The following PON2 variants were observed in gnomAD, a reference collection of about 807,000 sequenced individuals.
The protein encoded by PON2 is paraoxonase 2.
Under a neutral mutation model 36.6 loss-of-function variants are expected in PON2, and 27 were observed. That is an observed-to-expected ratio of 0.74 (90% CI 0.54 to 1.02). The LOEUF is 1.02. Among genes scored for constraint, PON2 ranks in the 50% least tolerant of loss-of-function variants. The pLI, the probability that PON2 is intolerant of heterozygous loss-of-function variation, is 0.00. For missense variants in PON2, 363 were observed against 421.1 expected (o/e 0.86, Z 1.21); for synonymous variants, 149 against 156.3 (o/e 0.95, Z 0.35).
At chr7:95,422,304 C>A (rs1034264676) in intron 2 of PON2, among the ~76,000 whole-genome samples, 1 of 152,094 alleles carries the variant, frequency 6.6e-6, no homozygotes, top group Non-Finnish European at 1.5e-5. Context: ...TATTTGTTTG[C>A]AAATGCACTG....
intron 2 of PON2, chr7:95,418,151 G>A (rs144106286): frequency 2.0e-5 from 3 of 152,180 alleles, no homozygotes; most frequent in East Asian, 1.9e-4. Flanking sequence ...TTTTATCATC[G>A]TGTATCCCCT....
At position 95,415,507 on chromosome 7, in the gene PON2, A is replaced by T. The variant is rs940382137; in HGVS notation, c.201+735T>A. ...GAAAGCAAAAGGGCAAGGTTGGTAT[A>T]ATATTTGAAAATAAATAATAATGGC... On this transcript the variant is annotated intron_variant, in intron 3 of 8. Coordinates refer to ENST00000222572, the MANE Select transcript of PON2 (RefSeq NM_000305.3). Among the ~76,000 whole-genome samples the T allele has an allele frequency of 2.1e-4, 32 of 152,338 alleles. 1 individual carries two copies. The highest frequency in any genetic ancestry group is 1.8e-3 in the Admixed American group (27 of 15,304).
At chr7:95,408,133 G>A (rs1362829235) in intron 6 of PON2, among the ~76,000 whole-genome samples, 1 of 152,218 alleles carries the variant, frequency 6.6e-6, no homozygotes, top group Non-Finnish European at 1.5e-5. Flanking sequence ...CAAATGGTCA[G>A]TTCTGTTCCA....
chr7:95,431,727 C>T (rs1789446429), intron 1 of PON2, among the ~76,000 whole-genome samples: 1 of 152,136 alleles, frequency 6.6e-6, no homozygotes. Context: ...GCCAAACATG[C>T]TCCTTTTTAA....
chr7:95,408,573 G>A (rs1003809853), intron 6 of PON2, among the ~76,000 whole-genome samples: 4 of 152,152 alleles, frequency 2.6e-5, no homozygotes, highest in African/African-American at 7.2e-5. Context: ...TGCAGAGGTT[G>A]GATCAGGTCA....
chr7:95,405,151 C>G lies in PON2; in HGVS notation c.*179G>C. On this transcript the variant is annotated 3_prime_UTR_variant, in exon 9 of 9. Transcript: ENST00000222572. The stretch of plus-strand genomic sequence containing the variant: ...TGCTTGGCATTTTAAAGAACCTGTT[C>G]ATTTTCCTTTTTTGTTAAAAGTGCT... 1.6e-6 allele frequency: 1 copy of G among 620,182 alleles called. No homozygotes were observed. Among genetic ancestry groups the G allele is most frequent in the Non-Finnish European group, 2.8e-6 (1 of 363,618 alleles). 38.4% of individuals were successfully genotyped at this position (620,182 alleles called of 1,614,324 possible).
At chr7:95,413,583 T>C (rs1459642802) in intron 3 of PON2, among the ~76,000 whole-genome samples, 1 of 152,236 alleles carries the variant, frequency 6.6e-6, no homozygotes, top group African/African-American at 2.4e-5. Context: ...TATAGGTCTT[T>C]TCTCTTTTAA....
At chr7:95,434,789 T>TCCCTCCCCCAGCCTGCG (rs1405402618) in intron 1 of PON2, 89 bp downstream of exon 1, 3 of 1,417,818 alleles carry the variant, frequency 2.1e-6, no homozygotes, top group Admixed American at 2.2e-5. Context: ...CCCGCAGGAA[T>TCCCTCCCCCAGCCTGCG]CCCTCCCCCA....
intron 2 of PON2, among the ~76,000 whole-genome samples, chr7:95,420,556 T>C (rs1434308517): frequency 1.3e-5 from 2 of 152,202 alleles, no homozygotes; most frequent in Admixed American, 6.5e-5. Context: ...AGTCAATAAC[T>C]ATGATTTATT....
At chr7:95,429,358 T>G (rs913249312) in intron 1 of PON2, among the ~76,000 whole-genome samples, 1 of 152,216 alleles carries the variant, frequency 6.6e-6, no homozygotes, top group African/African-American at 2.4e-5. Context: ...ACAAAGGACA[T>G]GAACTCATCC....
At position 95,412,968 on chromosome 7, in the gene PON2, A is replaced by G. The variant is rs17876137; in HGVS notation, c.202-491T>C. 1,621 of 177,966 alleles carry G rather than the reference A, an allele frequency of 9.1e-3. 28 individuals carry two copies. Among genetic ancestry groups the G allele is most frequent in the African/African-American group, 0.036 (1,484 of 41,738 alleles). 11.0% of individuals were successfully genotyped at this position (177,966 alleles called of 1,614,324 possible). ...GTCTCATGTCTATTCCTGTGCCAATATAACACTTTTTAAATTACTACAGCT... is the reference window on the plus strand; with the variant it reads ...GTCTCATGTCTATTCCTGTGCCAATGTAACACTTTTTAAATTACTACAGCT... On this transcript the variant is annotated intron_variant, in intron 3 of 8. Coordinates refer to ENST00000222572, the MANE Select transcript of PON2 (RefSeq NM_000305.3).
chr7:95,409,499 G>A (rs2057965), intron 6 of PON2: 47,133 of 152,928 alleles, frequency 0.31, 8,649 homozygotes, highest in Middle Eastern at 0.44. Flanking sequence ...ATGGAATAAT[G>A]TATAGCCAAT....
At chr7:95,420,888 G>T (rs983480351) in intron 2 of PON2, among the ~76,000 whole-genome samples, 7 of 151,852 alleles carry the variant, frequency 4.6e-5, no homozygotes, top group African/African-American at 1.7e-4. Context: ...TGTTGTTAAA[G>T]ATATATAACC....
In PON2 at chr7:95,405,369, T is replaced by C. The variant is rs768209965; in HGVS notation, c.1026A>G (p.Ile342Met). Residue 342 changes from isoleucine to methionine, a missense_variant, in exon 9 of 9, where the codon ATA (isoleucine) becomes ATG (methionine). Physicochemically the swap from Ile to Met is conservative, Grantham distance 10. Transcript: ENST00000222572. ...ACAAGGCTCTGTGGTATAAAGTGCCTATGAGCAGCTTCCCATCATACACTG... is the reference window on the plus strand; with the variant it reads ...ACAAGGCTCTGTGGTATAAAGTGCCCATGAGCAGCTTCCCATCATACACTG... ...VASVYDGKLLIGTLYHRALYC... is the reference protein window; with the variant it reads ...VASVYDGKLLMGTLYHRALYC... 10 of 1,613,996 alleles carry C rather than the reference T, an allele frequency of 6.2e-6. No homozygotes were observed. The Admixed American group carries it at 1.5e-4, about 24-fold the overall frequency.
intron 2 of PON2, among the ~76,000 whole-genome samples, chr7:95,417,640 A>G (rs1789094180): frequency 6.7e-6 from 1 of 148,810 alleles, no homozygotes; most frequent in Non-Finnish European, 1.5e-5. Flanking sequence ...AATCAGGGGA[A>G]CGCTACACCA....
chr7:95,406,990 C>T lies in PON2; in HGVS notation c.774G>A (p.Leu258=). 1 of 1,524,698 alleles carries T rather than the reference C, an allele frequency of 6.6e-7. No individual in the cohort carries two copies. The highest frequency in any genetic ancestry group is 9.1e-7 in the Non-Finnish European group (1 of 1,101,382). The allele number at this position is 1,524,698 out of a possible 1,614,324, so 94.4% of individuals were successfully genotyped here. The part of the protein sequence containing the change: ...EKHTNMNLTQ[L]KVLELDTLVD... ...TATGTAAAAATAAATATTTTACCTT[C>T]AACTGAGTTAAATTCATATTAGTGT... Residue 258 remains leucine (L), a synonymous_variant, in exon 7 of 9, where the codon TTG becomes TTA. Transcript: ENST00000222572.
rs762331175 is a variant in PON2 at position 95,412,415 on chromosome 7, C to T, written c.264G>A (p.Met88Ile). ...CCCTTGGTTTTTCTTCTTTTAGATC[C>T]ATCATTAGTATTCCTCCAGGCTTAT... is the stretch of plus-strand genomic sequence containing the variant. Reference protein sequence around the residue: ...APDKPGGILMMDLKEEKPRAR... With the variant: ...APDKPGGILMIDLKEEKPRAR... Residue 88 changes from methionine to isoleucine, a missense_variant, in exon 4 of 9, where the codon ATG becomes ATA. Coordinates refer to ENST00000222572, the MANE Select transcript of PON2 (RefSeq NM_000305.3). 2 of 1,614,074 alleles carry T rather than the reference C, an allele frequency of 1.2e-6. No homozygotes were observed. Among genetic ancestry groups the T allele is most frequent in the Admixed American group, 1.7e-5 (1 of 60,008 alleles).
chr7:95,428,958 T>G (rs1370540870), intron 1 of PON2, among the ~76,000 whole-genome samples: 4 of 151,888 alleles, frequency 2.6e-5, no homozygotes, highest in Non-Finnish European at 5.9e-5. Context: ...CACAGAAAAG[T>G]GAAATAATTA....
chr7:95,432,705 G>GA, intron 1 of PON2, among the ~76,000 whole-genome samples: 1 of 152,286 alleles, frequency 6.6e-6, no homozygotes, highest in Admixed American at 6.5e-5. Flanking sequence ...TCCAACTCAT[G>GA]AATGTTCTGT....
Sources: gnomAD v4.1 joint callset for allele counts (sites outside exome capture counted in the v4.1 genomes callset) on GRCh38, gnomAD v4.1.1 for gene constraint, MANE v1.5 for transcripts, NCBI Gene and HGNC (gene_info 2026-07-23, HGNC 2026-07-21) for gene names.